Variants in WDR97 observed in about 807,000 individuals in gnomAD.
WDR97 encodes WD repeat domain 97.
Under a neutral mutation model 65.4 loss-of-function variants are expected in WDR97, and 111 were observed. The ratio of observed to expected loss-of-function variants is 1.70; its 90% CI spans 1.45 to 1.99. The LOEUF (loss-of-function observed/expected upper bound fraction) is 1.99. Ranked by LOEUF, WDR97 falls within the 30% of genes most tolerant of loss-of-function variation. The pLI is 0.00. For synonymous variants in WDR97, 802 were observed against 397.7 expected, an observed-to-expected ratio of 2.02 and a Z score of -12.10; for missense variants, 1,674 against 865.0, an observed-to-expected ratio of 1.94 and a Z score of -11.73.
rs1587625645 is a variant in WDR97, at chr8:144,111,218, C to T, written c.2422C>T (p.Leu808Phe). ...RLTNLHGAAS[L>F]SEALSLIHRR... The stretch of plus-strand genomic sequence containing the variant: ...CACCAACCTCCATGGGGCAGCCAGC[C>T]TCAGGTCCCATGCAGGCCTGCTCAG... Residue 808 changes from leucine to phenylalanine, a missense_variant, in exon 10 of 24, where the codon CTC becomes TTC. By Grantham distance (22) the Leu-to-Phe change is conservative (BLOSUM62 0). Coordinates refer to ENST00000323662, the MANE Select transcript of WDR97 (RefSeq NM_001316309.2). 1 of 702,742 alleles carries T rather than the reference C, an allele frequency of 1.4e-6. No individual in the cohort carries two copies. The highest frequency in any genetic ancestry group is 2.7e-5 in the East Asian group (1 of 37,286). The allele number at this position is 702,742 out of a possible 1,614,324, so 43.5% of individuals were successfully genotyped here.
rs1273380501 is a variant in WDR97, at chr8:144,115,703, C to G, written c.4440C>G (p.Asp1480Glu). The G allele has an allele frequency of 2.9e-6, 2 of 701,412 alleles. No homozygotes were observed. Among genetic ancestry groups the G allele is most frequent in the Non-Finnish European group, 5.2e-6 (2 of 384,456 alleles). The allele number at this position is 701,412 out of a possible 1,614,324, so 43.4% of individuals were successfully genotyped here. A position where few individuals can be genotyped will look rare whatever the true frequency, so the allele number is the denominator to read the frequency against. ...ACTGGTCGCACTCGCAGCTGCTGGA[C>G]TTGGGCCCCATCGACGCGCTCAACT... is the stretch of plus-strand genomic sequence containing the variant. ...ETDWSHSQLL[D>E]LGPIDALNFF... The change falls in exon 22 of 24, where the codon GAC becomes GAG. Residue 1480 changes from aspartate (D) to glutamate (E), a missense_variant. Physicochemically the swap from Asp to Glu is conservative, Grantham distance 45 (BLOSUM62 2). Coordinates refer to ENST00000323662, the MANE Select transcript of WDR97 (RefSeq NM_001316309.2).
At position 144,110,386 on chromosome 8, in the gene WDR97, A is replaced by C. The variant is rs1041362963; in HGVS notation, c.1889A>C (p.Glu630Ala). The C allele has an allele frequency of 1.4e-6, 1 of 702,926 alleles. No individual in the cohort carries two copies. The highest frequency in any genetic ancestry group is 2.6e-6 in the Non-Finnish European group (1 of 384,978). The allele number at this position is 702,926 out of a possible 1,614,324, so 43.5% of individuals were successfully genotyped here. Residue 630 changes from glutamate to alanine, a missense_variant, in exon 7 of 24, where the codon GAA (glutamate) becomes GCA (alanine). Glu to Ala is a moderately radical substitution (Grantham distance 107, BLOSUM62 -1). Transcript: ENST00000323662. ...ATGTGGCGCGTCTTCCCCTATGCCG[A>C]AGAGAGCCTGAGCCTGCTGCGCACC... ...VKMWRVFPYA[E>A]ESLSLLRTFS...
rs1188555558 is a variant in WDR97, at chr8:144,109,800, T to C, written c.1466T>C (p.Leu489Pro). ...AVAYCLPREA[L>P]WLLTRAGHLV... ...GCCTACTGCCTGCCGCGCGAGGCGC[T>C]GTGGCTGCTGACCAGGGCTGGGCAC... The change falls in exon 5 of 24, where the codon CTG becomes CCG. Residue 489 changes from leucine (L) to proline (P), a missense_variant. Transcript: ENST00000323662. The C allele has an allele frequency of 1.5e-6, 1 of 673,230 alleles. No homozygotes were observed. The highest frequency in any genetic ancestry group is 1.6e-5 in the South Asian group (1 of 64,098). 41.7% of individuals were successfully genotyped at this position (673,230 alleles called of 1,614,324 possible).
chr8:144,114,168 A>C lies in WDR97; in HGVS notation c.3594+6A>C, dbSNP rs1277257102. ...TCCCCATCTTCAGCCTGCAGGTTGG[A>C]GGGAACTGGGGATGCATGAGAAGCA... is the stretch of plus-strand genomic sequence containing the variant. On this transcript the variant is annotated splice_donor_region_variant and intron_variant, in intron 18 of 23. Coordinates refer to ENST00000323662, the MANE Select transcript of WDR97 (RefSeq NM_001316309.2). The C allele has an allele frequency of 1.4e-6, 1 of 702,386 alleles. No homozygotes were observed. Among genetic ancestry groups the C allele is most frequent in the South Asian group, 1.5e-5 (1 of 67,546 alleles). The allele number at this position is 702,386 out of a possible 1,614,324, so 43.5% of individuals were successfully genotyped here. A position where few individuals can be genotyped will look rare whatever the true frequency, so the allele number is the denominator to read the frequency against.
rs775866627 is a variant in WDR97, at chr8:144,108,862, T to G, written c.796T>G (p.Phe266Val). The G allele has an allele frequency of 1.4e-6, 1 of 702,934 alleles. No individual in the cohort carries two copies. Among genetic ancestry groups the G allele is most frequent in the South Asian group, 1.5e-5 (1 of 67,608 alleles). The allele number at this position is 702,934 out of a possible 1,614,324, so 43.5% of individuals were successfully genotyped here. Residue 266 changes from phenylalanine to valine, a missense_variant, in exon 3 of 24, where the codon TTC (phenylalanine) becomes GTC (valine). Transcript: ENST00000323662. ...PVPPHHVLRC[F>V]AAYGSAVLTF... is the part of the protein sequence containing the mutation. ...TCCTCCCCACCACGTCCTGCGCTGCTTCGCGGCCTATGGCTCGGCCGTGCT... is the reference window on the plus strand; with the variant it reads ...TCCTCCCCACCACGTCCTGCGCTGCGTCGCGGCCTATGGCTCGGCCGTGCT...
In WDR97 at chr8:144,117,788, T is replaced by C. The variant is rs1587632159; in HGVS notation, c.*1495T>C. The C allele has an allele frequency of 2.6e-5, 4 of 152,322 alleles. No homozygotes were observed. The highest frequency in any genetic ancestry group is 2.6e-4 in the Admixed American group (4 of 15,286). The allele number at this position is 152,322 out of a possible 1,614,324, so 9.4% of individuals were successfully genotyped here. A position where few individuals can be genotyped will look rare whatever the true frequency, so the allele number is the denominator to read the frequency against. On this transcript the variant is annotated 3_prime_UTR_variant, in exon 24 of 24. Coordinates refer to ENST00000323662, the MANE Select transcript of WDR97 (RefSeq NM_001316309.2). Reference sequence around the variant, plus strand: ...GTGCCACCACGCCCAGCTAATTTTGTATTTTTAGTAGAGATGGGGTTTCAT... The same window carrying C: ...GTGCCACCACGCCCAGCTAATTTTGCATTTTTAGTAGAGATGGGGTTTCAT...
In WDR97 at chr8:144,114,287, G is replaced by A; in HGVS notation, c.3604G>A (p.Glu1202Lys). 1.4e-6 allele frequency: 1 copy of A among 701,328 alleles called. No homozygotes were observed. Among genetic ancestry groups the A allele is most frequent in the Non-Finnish European group, 2.6e-6 (1 of 383,782 alleles). 43.4% of individuals were successfully genotyped at this position (701,328 alleles called of 1,614,324 possible). The change falls in exon 19 of 24, where the codon GAG (glutamate) becomes AAG (lysine). Residue 1202 changes from glutamate (E) to lysine (K), a missense_variant. Physicochemically the swap from Glu to Lys is moderately conservative, Grantham distance 56. Coordinates refer to ENST00000323662, the MANE Select transcript of WDR97 (RefSeq NM_001316309.2). Reference protein sequence around the residue: ...FPIFSLQAYPEAGTIEGLASL... With the variant: ...FPIFSLQAYPKAGTIEGLASL... ...GCATGCTACCCTGCAGGCATACCCG[G>A]AGGCGGGCACGATCGAGGGCCTGGC...
At chr8:144,116,050 A>ACCCCAGC in intron 23 of WDR97, 37 bp downstream of exon 23, 3 of 365,090 alleles carry the variant, frequency 8.2e-6, no homozygotes. Context: ...GACCCCACCC[A>ACCCCAGC]CCCCAGCCCC....
At position 144,114,852 on chromosome 8, in the gene WDR97, A is replaced by T; in HGVS notation, c.4018A>T (p.Lys1340Ter). Reference protein sequence around the residue: ...TWVQGPDLDSKAGLRTCCHQK... With the variant: ...TWVQGPDLDS ...GGTCCAGGGCCCAGACCTGGACTCC[A>T]AGGCCGGCCTGCGCACTTGCTGCCA... Residue 1340 changes from lysine to a stop codon, truncating the protein, a stop_gained, in exon 21 of 24, where the codon AAG becomes TAG. Coordinates refer to ENST00000323662, the MANE Select transcript of WDR97 (RefSeq NM_001316309.2). LOFTEE classifies it high-confidence loss of function. The T allele has an allele frequency of 1.4e-6, 1 of 702,654 alleles. No individual in the cohort carries two copies. Among genetic ancestry groups the T allele is most frequent in the Non-Finnish European group, 2.6e-6 (1 of 384,898 alleles). The allele number at this position is 702,654 out of a possible 1,614,324, so 43.5% of individuals were successfully genotyped here. A position where few individuals can be genotyped will look rare whatever the true frequency, so the allele number is the denominator to read the frequency against.
intron 1 of WDR97, 51 bp downstream of exon 1, chr8:144,107,913 C>T: frequency 1.4e-6 from 1 of 702,696 alleles, no homozygotes; most frequent in Non-Finnish European, 2.6e-6. Flanking sequence ...AAGTGGGTCT[C>T]ATTCGGGCTT....
chr8:144,107,844 C>G lies in WDR97; in HGVS notation c.94C>G (p.Leu32Val), dbSNP rs1235032086. 4 of 702,722 alleles carry G rather than the reference C, an allele frequency of 5.7e-6. No homozygotes were observed. The Admixed American group carries it at 8.0e-5, about 14-fold the overall frequency. 43.5% of individuals were successfully genotyped at this position (702,722 alleles called of 1,614,324 possible). ...ADGYDVPDPG[L>V]LTEKNELTFT... The stretch of plus-strand genomic sequence containing the variant: ...TGGCTATGATGTCCCAGACCCTGGG[C>G]TGCTCACCGAAAAGAATGGTGAGGG... The change falls in exon 1 of 24, where the codon CTG becomes GTG. Residue 32 changes from leucine to valine, a missense_variant. By Grantham distance (32) the Leu-to-Val change is conservative. Transcript: ENST00000323662.
chr8:144,107,985 G>C (rs1836451630), intron 1 of WDR97, 74 bp from the exon 2 acceptor site: 2 of 701,330 alleles, frequency 2.9e-6, no homozygotes. Flanking sequence ...GGCCCCTGGA[G>C]GAGGGCTCCC....
chr8:144,110,593 G>A lies in WDR97; in HGVS notation c.2080+16G>A, dbSNP rs751760060. 6.3e-5 allele frequency: 44 copies of A among 702,604 alleles called. No individual in the cohort carries two copies. Among genetic ancestry groups the A allele is most frequent in the Non-Finnish European group, 1.0e-4 (40 of 384,924 alleles). 43.5% of individuals were successfully genotyped at this position (702,604 alleles called of 1,614,324 possible). On this transcript the variant is annotated intron_variant, in intron 7 of 23. Coordinates refer to ENST00000323662, the MANE Select transcript of WDR97 (RefSeq NM_001316309.2). Reference sequence around the variant, plus strand: ...CACATCACTGGTGAGGGGGCAGCATGGGTGAAGCCCAGCCACCGCCCAGCT... The same window carrying A: ...CACATCACTGGTGAGGGGGCAGCATAGGTGAAGCCCAGCCACCGCCCAGCT...
rs1587622581 is a variant in WDR97, at chr8:144,108,929, G to A, written c.863G>A (p.Arg288Gln). ...GCCTGGACTCTCGTAGATGTGCGCC[G>A]GGATTTGCACAAAACGTGAGGGGGA... ...LHAWTLVDVRRDLHKTTISDL... is the reference protein window; with the variant it reads ...LHAWTLVDVRQDLHKTTISDL... The change falls in exon 3 of 24, where the codon CGG becomes CAG. Residue 288 changes from arginine to glutamine, a missense_variant. By Grantham distance (43) the Arg-to-Gln change is conservative. Coordinates refer to ENST00000323662, the MANE Select transcript of WDR97 (RefSeq NM_001316309.2). 2 of 702,990 alleles carry A rather than the reference G, an allele frequency of 2.8e-6. No individual in the cohort carries two copies. Among genetic ancestry groups the A allele is most frequent in the South Asian group, 1.5e-5 (1 of 67,608 alleles). 43.5% of individuals were successfully genotyped at this position (702,990 alleles called of 1,614,324 possible).
chr8:144,108,295 C>T (rs988391340), intron 2 of WDR97, 21 bp from the exon 3 acceptor site: 43 of 690,928 alleles, frequency 6.2e-5, no homozygotes, highest in Non-Finnish European at 9.4e-5. Flanking sequence ...TGATTGCGGG[C>T]CCGCCCACCC....
rs1836559996 is a variant in WDR97 at position 144,111,971 on chromosome 8, C to T, written c.2722C>T (p.Pro908Ser). The T allele has an allele frequency of 2.8e-6, 2 of 702,550 alleles. No homozygotes were observed. The highest frequency in any genetic ancestry group is 5.2e-6 in the Non-Finnish European group (2 of 384,950). 43.5% of individuals were successfully genotyped at this position (702,550 alleles called of 1,614,324 possible). ...ERETRDVCAV[P>S]QAAHCLARAE... ...AGAGACCCGGGATGTGTGTGCTGTA[C>T]CCCAAGCTGCCCACTGTCTTGCCCG... Residue 908 changes from proline to serine, a missense_variant, in exon 13 of 24, where the codon CCC becomes TCC. Physicochemically the swap from Pro to Ser is moderately conservative, Grantham distance 74. Transcript: ENST00000323662.
intron 21 of WDR97, 119 bp from the exon 22 acceptor site, chr8:144,115,222 G>A: frequency 1.8e-6 from 1 of 568,516 alleles, no homozygotes; most frequent in Non-Finnish European, 3.1e-6. Flanking sequence ...AGGAGCCAGG[G>A]TGCTTGGCCA....
chr8:144,108,295 C>G (rs988391340), intron 2 of WDR97, 21 bp from the exon 3 acceptor site: 4 of 690,812 alleles, frequency 5.8e-6, no homozygotes, highest in Non-Finnish European at 1.0e-5. Flanking sequence ...TGATTGCGGG[C>G]CCGCCCACCC....
rs530217031 is a variant in WDR97 at position 144,115,454 on chromosome 8, A to C, written c.4191A>C (p.Ser1397=). The C allele has an allele frequency of 1.4e-6, 1 of 693,808 alleles. No individual in the cohort carries two copies. Among genetic ancestry groups the C allele is most frequent in the East Asian group, 2.7e-5 (1 of 36,932 alleles). 43.0% of individuals were successfully genotyped at this position (693,808 alleles called of 1,614,324 possible). Residue 1397 remains serine, a synonymous_variant, in exon 22 of 24, where the codon TCA becomes TCC. Transcript: ENST00000323662. The stretch of plus-strand genomic sequence containing the variant: ...TCTTCGGGAGGCTCTCGCAGGTCTC[A>C]GAGGTGCCTTTGATGGTGGTCTCAC... The part of the protein sequence containing the change: ...SGIFGRLSQV[S]EVPLMVVSPA...
Sources: allele counts gnomAD v4.1 joint callset, GRCh38; gene constraint gnomAD v4.1.1; transcripts MANE v1.5; gene names NCBI Gene and HGNC (gene_info 2026-07-23, HGNC 2026-07-21).